Variants in TYW1B observed in about 807,000 individuals in gnomAD.
TYW1B encodes S-adenosyl-L-methionine-dependent tRNA 4-demethylwyosine synthase TYW1B.
Under a neutral mutation model 86.9 loss-of-function variants are expected in TYW1B, and 73 were observed. The ratio of observed to expected loss-of-function variants is 0.84; its 90% CI spans 0.70 to 1.02. The LOEUF (loss-of-function observed/expected upper bound fraction) is 1.02. TYW1B is among the 50% of genes least tolerant of loss of function. The pLI, the probability that TYW1B is intolerant of heterozygous loss-of-function variation, is 0.00. For missense variants in TYW1B, 637 were observed against 827.4 expected, an observed-to-expected ratio of 0.77 and a Z score of 2.82; for synonymous variants, 248 against 292.8, an observed-to-expected ratio of 0.85 and a Z score of 1.56.
At chr7:72,686,415 C>T (rs1400839155) in intron 11 of TYW1B, among the ~76,000 whole-genome samples, 7 of 152,142 alleles carry the variant, frequency 4.6e-5, no homozygotes, top group Non-Finnish European at 1.0e-4. Flanking sequence ...ATGGAAGGAA[C>T]CTTAAATGCA....
At chr7:72,654,917 G>A (rs1196975563) in intron 11 of TYW1B, among the ~76,000 whole-genome samples, 1 of 152,180 alleles carries the variant, frequency 6.6e-6, no homozygotes, top group Admixed American at 6.6e-5. Context: ...TTCATAAATT[G>A]TAACAAATGA....
In TYW1B at chr7:72,694,671, A is replaced by T. The variant is rs782713385; in HGVS notation, c.1506+16T>A. 3 of 1,589,728 alleles carry T rather than the reference A, an allele frequency of 1.9e-6. No individual in the cohort carries two copies. The African/African-American group carries it at 4.1e-5, about 22-fold the overall frequency. ...TGAGGGTTGTTTATTTATTTTTAAG[A>T]TGTCATAATTCTTACCTTGACTGCC... On this transcript the variant is annotated intron_variant, in intron 11 of 13. Transcript: ENST00000620995.
At chr7:72,779,839 G>C (rs1368296046) in intron 6 of TYW1B, among the ~76,000 whole-genome samples, 3 of 144,448 alleles carry the variant, frequency 2.1e-5, no homozygotes, top group Non-Finnish European at 4.5e-5. Flanking sequence ...AAGTACTTTA[G>C]AGAATCAAAT....
intron 12 of TYW1B, 53 bp downstream of exon 12, chr7:72,628,834 C>T (rs1812414942): frequency 6.7e-7 from 1 of 1,481,762 alleles, no homozygotes; most frequent in East Asian, 2.5e-5. Flanking sequence ...GCCAACGAAG[C>T]ACCACGATTC....
intron 13 of TYW1B, among the ~76,000 whole-genome samples, chr7:72,606,958 T>C (rs2129568190): frequency 6.6e-6 from 1 of 152,258 alleles, no homozygotes; most frequent in East Asian, 1.9e-4. Context: ...AAATCACTTA[T>C]CACACCTAGA....
At chr7:72,641,565 A>G (rs1563042294) in intron 11 of TYW1B, among the ~76,000 whole-genome samples, 1 of 152,210 alleles carries the variant, frequency 6.6e-6, no homozygotes, top group Admixed American at 6.5e-5. Flanking sequence ...CAAGTCACAT[A>G]ATACATGAAT....
chr7:72,761,570 G>C (rs1367171409), intron 7 of TYW1B, among the ~76,000 whole-genome samples: 1 of 146,678 alleles, frequency 6.8e-6, no homozygotes. Context: ...CAGTCTGGCT[G>C]ACAGAGTGAG....
At chr7:72,596,251 A>G (rs2129567945) in intron 13 of TYW1B, among the ~76,000 whole-genome samples, 1 of 151,652 alleles carries the variant, frequency 6.6e-6, no homozygotes, top group Admixed American at 6.6e-5. Context: ...TACAGTATCT[A>G]TCAAAATAAC....
At chr7:72,583,768 A>G (rs1554429992) in intron 13 of TYW1B, among the ~76,000 whole-genome samples, 1 of 152,214 alleles carries the variant, frequency 6.6e-6, no homozygotes, top group Non-Finnish European at 1.5e-5. Context: ...ACTAGGTGCT[A>G]TGTTTGGTTC....
At chr7:72,655,261 C>G (rs778393163) in intron 11 of TYW1B, among the ~76,000 whole-genome samples, 23 of 152,088 alleles carry the variant, frequency 1.5e-4, no homozygotes, top group Non-Finnish European at 1.3e-4. Flanking sequence ...CCACTGACAC[C>G]TGCAACCCTA....
rs10260322 is a variant in TYW1B at position 72,751,334 on chromosome 7, G to A, written c.965-6733C>T. Among the ~76,000 whole-genome samples, 209 of 152,084 alleles carry A rather than the reference G, an allele frequency of 1.4e-3. 1 individual carries two copies. Among genetic ancestry groups the A allele is most frequent in the African/African-American group, 4.7e-3 (195 of 41,522 alleles). On this transcript the variant is annotated intron_variant, in intron 7 of 13. Coordinates refer to ENST00000620995, the MANE Select transcript of TYW1B (RefSeq NM_001145440.3). ...ACTACATGCGTGAGCCATCACACTC[G>A]GCACAGATTGGGTAAATTCTCTTGT...
chr7:72,583,629 G>A (rs1313337292), intron 13 of TYW1B, among the ~76,000 whole-genome samples: 1 of 152,176 alleles, frequency 6.6e-6, no homozygotes, highest in South Asian at 2.1e-4. Flanking sequence ...TTAAAATAGT[G>A]GTGACTGTAT....
chr7:72,625,687 C>T (rs1554438655), intron 12 of TYW1B, among the ~76,000 whole-genome samples: 1 of 152,002 alleles, frequency 6.6e-6, no homozygotes, highest in Non-Finnish European at 1.5e-5. Flanking sequence ...CAAAACAAAA[C>T]ATCTCAGCTA....
At chr7:72,722,594 A>C (rs375925055) in intron 9 of TYW1B, among the ~76,000 whole-genome samples, 8 of 152,212 alleles carry the variant, frequency 5.3e-5, no homozygotes, top group Admixed American at 3.9e-4. Context: ...AGATATTTTT[A>C]TAACTCAGTG....
chr7:72,720,311 TC>T (rs1173442878), intron 9 of TYW1B, among the ~76,000 whole-genome samples: 1 of 152,128 alleles, frequency 6.6e-6, no homozygotes, highest in Non-Finnish European at 1.5e-5. Context: ...CACTCACAGT[TC>T]TGGGGAGAGG....
At chr7:72,734,910 A>G (rs1398055174) in intron 8 of TYW1B, among the ~76,000 whole-genome samples, 3 of 152,210 alleles carry the variant, frequency 2.0e-5, no homozygotes, top group African/African-American at 4.8e-5. Context: ...ACCGCAATGA[A>G]ATTCCATCTC....
At chr7:72,782,270 C>T (rs1474702387) in intron 6 of TYW1B, among the ~76,000 whole-genome samples, 1 of 151,930 alleles carries the variant, frequency 6.6e-6, no homozygotes, top group African/African-American at 2.4e-5. Flanking sequence ...GCCTGGGTTA[C>T]AAAGCAAGAC....
At chr7:72,655,650 AAAG>A (rs1813183403) in intron 11 of TYW1B, among the ~76,000 whole-genome samples, 1 of 152,172 alleles carries the variant, frequency 6.6e-6, no homozygotes, top group South Asian at 2.1e-4. Context: ...CCCAGGACAA[AAAG>A]AGCCAAAACA....
chr7:72,797,357 G>A (rs1173361680), intron 6 of TYW1B, among the ~76,000 whole-genome samples: 1 of 152,108 alleles, frequency 6.6e-6, no homozygotes, highest in Non-Finnish European at 1.5e-5. Flanking sequence ...GGACACTGAA[G>A]CTCAGTGGGG....
Sources: gnomAD v4.1 joint callset for allele counts (sites outside exome capture counted in the v4.1 genomes callset) on GRCh38, gnomAD v4.1.1 for gene constraint, MANE v1.5 for transcripts, NCBI Gene and HGNC (gene_info 2026-07-23, HGNC 2026-07-21) for gene names.